Variants in DOK5 observed in about 807,000 individuals in gnomAD.
The protein encoded by DOK5 is docking protein 5, also known as downstream of tyrosine kinase 5.
DOK5 carries 27 observed loss-of-function variants against 43.3 expected under a neutral mutation model. The ratio of observed to expected loss-of-function variants is 0.62; its 90% confidence interval spans 0.46 to 0.86. The LOEUF (loss-of-function observed/expected upper bound fraction) is 0.86, where lower values mean the gene tolerates loss of function less well. Among genes scored for constraint, DOK5 ranks in the 40% least tolerant of loss-of-function variants. The pLI is 0.00. For missense variants in DOK5, 373 were observed against 392.9 expected, an observed-to-expected ratio of 0.95 and a Z score of 0.43; for synonymous variants, 146 against 140.1, an observed-to-expected ratio of 1.04 and a Z score of -0.30.
intron 7 of DOK5, among the ~76,000 whole-genome samples, chr20:54,644,724 A>AAAAAC (rs1979312843): frequency 7.3e-6 from 1 of 136,060 alleles, no homozygotes; most frequent in African/African-American, 2.7e-5. Flanking sequence ...AAAAAAAAAA[A>AAAAAC]CAAAATTTAG....
chr20:54,622,840 G>C (rs889790453), intron 6 of DOK5, among the ~76,000 whole-genome samples: 1 of 152,138 alleles, frequency 6.6e-6, no homozygotes, highest in Non-Finnish European at 1.5e-5. Context: ...GATAGAAATA[G>C]TGATGAGGAC....
intron 2 of DOK5, among the ~76,000 whole-genome samples, chr20:54,569,518 T>C (rs1985215005): frequency 6.6e-6 from 1 of 152,232 alleles, no homozygotes; most frequent in Non-Finnish European, 1.5e-5. Flanking sequence ...TCTATTTTTA[T>C]GTGCTCAGAC....
chr20:54,563,657 T>G (rs1014990408), intron 2 of DOK5, among the ~76,000 whole-genome samples: 11 of 149,574 alleles, frequency 7.4e-5, no homozygotes, highest in Admixed American at 4.6e-4. Flanking sequence ...TCTTCTCTAT[T>G]TGTCAGGTTT....
intron 1 of DOK5, among the ~76,000 whole-genome samples, chr20:54,539,556 A>G (rs1205768416): frequency 6.6e-6 from 1 of 152,182 alleles, no homozygotes; most frequent in Non-Finnish European, 1.5e-5. Context: ...TTATCTCCAA[A>G]TAAAAAGATT....
At chr20:54,580,286 G>A (rs1985595819) in intron 2 of DOK5, among the ~76,000 whole-genome samples, 1 of 152,042 alleles carries the variant, frequency 6.6e-6, no homozygotes, top group East Asian at 1.9e-4. Flanking sequence ...TTTGACTATT[G>A]TAAATAATGC....
intron 1 of DOK5, among the ~76,000 whole-genome samples, chr20:54,521,008 C>T (rs1355259643): frequency 7.9e-5 from 12 of 151,998 alleles, no homozygotes; most frequent in Non-Finnish European, 1.6e-4. Context: ...TTACCCTCTC[C>T]TAAGAATGAT....
intron 1 of DOK5, among the ~76,000 whole-genome samples, chr20:54,514,051 G>A (rs2426521): frequency 6.6e-6 from 1 of 152,144 alleles, no homozygotes; most frequent in Non-Finnish European, 1.5e-5. Flanking sequence ...ACTGCAGGAT[G>A]CAATTCAAGG....
chr20:54,594,934 C>A (rs1986090106), intron 5 of DOK5, among the ~76,000 whole-genome samples: 1 of 152,170 alleles, frequency 6.6e-6, no homozygotes, highest in South Asian at 2.1e-4. Context: ...CTCGATATTT[C>A]TCCTAAGTGC....
At chr20:54,561,103 G>T (rs530939280) in intron 2 of DOK5, among the ~76,000 whole-genome samples, 1 of 152,212 alleles carries the variant, frequency 6.6e-6, no homozygotes, top group South Asian at 2.1e-4. Flanking sequence ...TTCTTTCGTG[G>T]TCCATGTGGC....
chr20:54,587,051 T>G (rs1201190743), intron 2 of DOK5, among the ~76,000 whole-genome samples: 1 of 152,046 alleles, frequency 6.6e-6, no homozygotes, highest in East Asian at 1.9e-4. Context: ...TAATGGGGAT[T>G]AAAATGGAAG....
chr20:54,649,222 A>G (rs571299180), intron 7 of DOK5, among the ~76,000 whole-genome samples: 9 of 152,258 alleles, frequency 5.9e-5, no homozygotes, highest in African/African-American at 1.4e-4. Context: ...ACTCCAGGCC[A>G]CATGGCTGGT....
chr20:54,635,400 C>T (rs1371545837), intron 6 of DOK5, among the ~76,000 whole-genome samples: 4 of 152,080 alleles, frequency 2.6e-5, no homozygotes, highest in African/African-American at 9.7e-5. Flanking sequence ...GATATATTTA[C>T]CATCTCTTCT....
intron 1 of DOK5, among the ~76,000 whole-genome samples, chr20:54,536,785 C>T (rs958813164): frequency 1.3e-5 from 2 of 152,204 alleles, no homozygotes; most frequent in African/African-American, 4.8e-5. Flanking sequence ...GGGACCTAGT[C>T]TTCCACCCTC....
At chr20:54,533,142 C>T (rs1172299171) in intron 1 of DOK5, among the ~76,000 whole-genome samples, 4 of 152,202 alleles carry the variant, frequency 2.6e-5, no homozygotes, top group Non-Finnish European at 4.4e-5. Context: ...ACACCATTGA[C>T]ATTTTTGTTG....
At chr20:54,525,815 G>A (rs1180120301) in intron 1 of DOK5, among the ~76,000 whole-genome samples, 5 of 152,198 alleles carry the variant, frequency 3.3e-5, no homozygotes, top group African/African-American at 4.8e-5. Context: ...TTTGATCTCC[G>A]CTGAAATGAT....
chr20:54,633,449 C>T (rs560450454), intron 6 of DOK5, among the ~76,000 whole-genome samples: 75 of 152,228 alleles, frequency 4.9e-4, no homozygotes, highest in Middle Eastern at 6.8e-3. Context: ...ACTGAGATGT[C>T]CCTTCTGACT....
At chr20:54,588,877 T>C in intron 4 of DOK5, 71 bp downstream of exon 4, 1 of 1,528,150 alleles carries the variant, frequency 6.5e-7, no homozygotes, top group East Asian at 2.3e-5. Flanking sequence ...ACATAAGACA[T>C]CTTCATTATG....
At chr20:54,521,911 G>A (rs1350710613) in intron 1 of DOK5, among the ~76,000 whole-genome samples, 3 of 152,166 alleles carry the variant, frequency 2.0e-5, no homozygotes, top group Non-Finnish European at 4.4e-5. Context: ...CATTCCAGGG[G>A]TTTGGGAGTC....
chr20:54,562,012 A>G (rs773101572), intron 2 of DOK5, among the ~76,000 whole-genome samples: 4 of 152,200 alleles, frequency 2.6e-5, no homozygotes, highest in Non-Finnish European at 4.4e-5. Flanking sequence ...AGTCCTAGCT[A>G]TTAGAGATGT....
Sources: allele counts gnomAD v4.1 joint callset (sites outside exome capture counted in the v4.1 genomes callset), GRCh38; gene constraint gnomAD v4.1.1; transcripts MANE v1.5; gene names NCBI Gene and HGNC (gene_info 2026-07-23, HGNC 2026-07-21).